The following HS6ST3 variants were observed in gnomAD, a reference collection of about 807,000 sequenced individuals.
HS6ST3 encodes the protein heparan-sulfate 6-O-sulfotransferase 3.
Under a neutral mutation model 36.7 loss-of-function variants are expected in HS6ST3, and 12 were observed. The observed-to-expected ratio is 0.33, with a 90% confidence interval of 0.21 to 0.53. The LOEUF is 0.53. Among genes scored for constraint, HS6ST3 ranks in the 20% least tolerant of loss-of-function variants. The probability of loss-of-function intolerance (pLI) is 0.95; values close to 1 mark genes in which losing one functional copy is unlikely to be tolerated. For synonymous variants in HS6ST3, 240 were observed against 257.5 expected, an observed-to-expected ratio of 0.93 and a Z score of 0.65; for missense variants, 584 against 640.9, an observed-to-expected ratio of 0.91 and a Z score of 0.96.
chr13:96,180,091 T>TGTGTTGG, intron 1 of HS6ST3, among the ~76,000 whole-genome samples: 1 of 152,152 alleles, frequency 6.6e-6, no homozygotes, highest in Admixed American at 6.5e-5. Context: ...CGCCTCAGCC[T>TGTGTTGG]CCCAAAGTGT....
intron 1 of HS6ST3, among the ~76,000 whole-genome samples, chr13:96,480,082 A>T (rs568033148): frequency 1.3e-5 from 2 of 152,272 alleles, no homozygotes; most frequent in South Asian, 4.1e-4. Flanking sequence ...ATTGTCTACC[A>T]CAAGGACTAG....
chr13:96,826,415 CA>C (rs1395867282), intron 1 of HS6ST3, among the ~76,000 whole-genome samples: 2 of 151,998 alleles, frequency 1.3e-5, no homozygotes, highest in African/African-American at 4.8e-5. Context: ...TTTTACATAG[CA>C]ATTTTTTTTT....
At chr13:96,166,641 A>G (rs2054161980) in intron 1 of HS6ST3, among the ~76,000 whole-genome samples, 2 of 147,246 alleles carry the variant, frequency 1.4e-5, no homozygotes, top group South Asian at 4.3e-4. Context: ...CAAACTCCTA[A>G]CCTCAAGTGA....
chr13:96,201,897 A>C (rs2054343867), intron 1 of HS6ST3, among the ~76,000 whole-genome samples: 1 of 152,190 alleles, frequency 6.6e-6, no homozygotes, highest in African/African-American at 2.4e-5. Flanking sequence ...GTATATATGA[A>C]ATGGATTATT....
chr13:96,203,370 T>G (rs936276886), intron 1 of HS6ST3, among the ~76,000 whole-genome samples: 3 of 152,154 alleles, frequency 2.0e-5, no homozygotes, highest in Non-Finnish European at 4.4e-5. Context: ...GGGTCTCTTT[T>G]ATCAGGTCAC....
intron 1 of HS6ST3, among the ~76,000 whole-genome samples, chr13:96,541,702 G>A (rs558491146): frequency 3.9e-5 from 6 of 152,270 alleles, no homozygotes; most frequent in Admixed American, 2.6e-4. Context: ...AGGGCCAAAT[G>A]GGAGGTGCTT....
At chr13:96,768,823 G>A (rs755556257) in intron 1 of HS6ST3, among the ~76,000 whole-genome samples, 16 of 151,822 alleles carry the variant, frequency 1.1e-4, no homozygotes, top group Non-Finnish European at 2.2e-4. Context: ...CAATATCTAG[G>A]TGGCCCCTTG....
chr13:96,563,122 T>C (rs1342065363), intron 1 of HS6ST3, among the ~76,000 whole-genome samples: 1 of 152,176 alleles, frequency 6.6e-6, no homozygotes. Flanking sequence ...GACCCCAATT[T>C]AATTTTTCTA....
intron 1 of HS6ST3, among the ~76,000 whole-genome samples, chr13:96,422,485 C>T (rs1955624673): frequency 6.6e-6 from 1 of 152,188 alleles, no homozygotes. Context: ...TCACAACAGA[C>T]TGGGCAGGGT....
intron 1 of HS6ST3, among the ~76,000 whole-genome samples, chr13:96,250,544 G>A (rs1283961492): frequency 6.6e-6 from 1 of 152,098 alleles, no homozygotes; most frequent in Non-Finnish European, 1.5e-5. Context: ...GCTGGAAAAG[G>A]CAAGCAAGAA....
rs1025093033 is a variant in HS6ST3, at chr13:96,343,430, C to G, written c.707+251861C>G. The stretch of plus-strand genomic sequence containing the variant: ...CAAAGCAAGTAATAGGAAGTTGAGC[C>G]CTTCTCATATTGTGTCACTCTGACC... On this transcript the variant is annotated intron_variant, in intron 1 of 1. Transcript: ENST00000376705. Among the ~76,000 whole-genome samples the G allele has an allele frequency of 2.0e-5, 3 of 152,216 alleles. No individual in the cohort carries two copies. In the South Asian group the frequency reaches 6.2e-4, roughly 32 times the overall value.
At chr13:96,128,485 TCTC>T (rs1487727399) in intron 1 of HS6ST3, among the ~76,000 whole-genome samples, 2 of 152,134 alleles carry the variant, frequency 1.3e-5, no homozygotes, top group Non-Finnish European at 2.9e-5. Context: ...CGGCTGAGGC[TCTC>T]CTCCTTAGTT....
chr13:96,826,226 C>A (rs1195895209), intron 1 of HS6ST3, among the ~76,000 whole-genome samples: 1 of 152,136 alleles, frequency 6.6e-6, no homozygotes, highest in Non-Finnish European at 1.5e-5. Context: ...ATATCACCTA[C>A]CATCACAATC....
chr13:96,782,623 T>G (rs1877552893), intron 1 of HS6ST3, among the ~76,000 whole-genome samples: 1 of 152,070 alleles, frequency 6.6e-6, no homozygotes, highest in African/African-American at 2.4e-5. Context: ...GCCCTTAAGT[T>G]CCCCGTGCCT....
intron 1 of HS6ST3, among the ~76,000 whole-genome samples, chr13:96,358,888 CT>C (rs1248336556): frequency 1.3e-5 from 2 of 151,850 alleles, no homozygotes; most frequent in East Asian, 3.9e-4. Flanking sequence ...ATCTATCTAT[CT>C]ATCTATCTAT....
At chr13:96,480,856 T>C (rs1385462400) in intron 1 of HS6ST3, among the ~76,000 whole-genome samples, 1 of 152,200 alleles carries the variant, frequency 6.6e-6, no homozygotes, top group South Asian at 2.1e-4. Flanking sequence ...ATGGCCTTAG[T>C]GTACTCTGGA....
intron 1 of HS6ST3, among the ~76,000 whole-genome samples, chr13:96,587,512 T>C (rs2056366497): frequency 6.6e-6 from 1 of 152,212 alleles, no homozygotes; most frequent in Admixed American, 6.5e-5. Flanking sequence ...GGCAACTGCA[T>C]GTAGCAAAGG....
At chr13:96,679,348 C>T (rs887380427) in intron 1 of HS6ST3, among the ~76,000 whole-genome samples, 2 of 151,722 alleles carry the variant, frequency 1.3e-5, no homozygotes, top group African/African-American at 4.8e-5. Context: ...TTAAAATCTC[C>T]GAGCAGGCTT....
At chr13:96,783,126 T>C (rs540903449) in intron 1 of HS6ST3, among the ~76,000 whole-genome samples, 115 of 152,316 alleles carry the variant, frequency 7.6e-4, no homozygotes, top group Admixed American at 2.9e-3. Context: ...GGAAGATTCA[T>C]GAACATGACA....
Sources: gnomAD v4.1 joint callset for allele counts (sites outside exome capture counted in the v4.1 genomes callset) on GRCh38, gnomAD v4.1.1 for gene constraint, MANE v1.5 for transcripts, NCBI Gene and HGNC (gene_info 2026-07-23, HGNC 2026-07-21) for gene names.